The following MROH2B variants were observed in gnomAD, a reference collection of about 807,000 sequenced individuals.
The protein encoded by MROH2B is maestro heat-like repeat-containing protein family member 2B.
In MROH2B, 177 loss-of-function variants were observed where a neutral mutation model predicts 208.6. The observed-to-expected ratio is 0.85, with a 90% CI of 0.75 to 0.96. The LOEUF (loss-of-function observed/expected upper bound fraction) is 0.96. MROH2B is among the 40% of genes least tolerant of loss of function. The pLI is 0.00. For synonymous variants in MROH2B, 728 were observed against 659.0 expected, an observed-to-expected ratio of 1.10 and a Z score of -1.60; for missense variants, 2,002 against 1,878.7, an observed-to-expected ratio of 1.07 and a Z score of -1.21.
rs995672308 is a variant in MROH2B, at chr5:41,058,100, T to C, written c.719A>G (p.Gln240Arg). The change falls in exon 7 of 42, where the codon CAG (glutamine) becomes CGG (arginine). Residue 240 changes from glutamine (Q) to arginine (R), a missense_variant. By Grantham distance (43) the Gln-to-Arg change is conservative. Transcript: ENST00000399564. ...GAAATCAATCTCTTTGTCTTTATACTGGTTCAGGAGCCAGGGCACCTGGCC... is the reference window on the plus strand; with the variant it reads ...GAAATCAATCTCTTTGTCTTTATACCGGTTCAGGAGCCAGGGCACCTGGCC... ...ALGQVPWLLNQYKDKEIDFHV... is the reference protein window; with the variant it reads ...ALGQVPWLLNRYKDKEIDFHV... The C allele has an allele frequency of 6.2e-7, 1 of 1,604,510 alleles. No homozygotes were observed. The highest frequency in any genetic ancestry group is 1.3e-5 in the African/African-American group (1 of 74,698).
At chr5:41,027,519 C>T (rs1035085441) in intron 24 of MROH2B, among the ~76,000 whole-genome samples, 6 of 152,116 alleles carry the variant, frequency 3.9e-5, no homozygotes, top group Non-Finnish European at 8.8e-5. Flanking sequence ...GAATGGCAAT[C>T]ATTAAAAAGT....
At chr5:41,068,234 C>T (rs187625945) in intron 2 of MROH2B, among the ~76,000 whole-genome samples, 1 of 152,324 alleles carries the variant, frequency 6.6e-6, no homozygotes, top group East Asian at 1.9e-4. Flanking sequence ...CTTGGGAAGT[C>T]TGAGAATAAT....
intron 12 of MROH2B, 25 bp downstream of exon 12, chr5:41,052,440 A>G: frequency 6.3e-7 from 1 of 1,596,172 alleles, no homozygotes; most frequent in African/African-American, 1.3e-5. Flanking sequence ...ATAGTGCATC[A>G]CTCAAAACTG....
intron 19 of MROH2B, among the ~76,000 whole-genome samples, chr5:41,040,592 G>A (rs191740986): frequency 2.0e-5 from 3 of 152,202 alleles, no homozygotes; most frequent in Non-Finnish European, 2.9e-5. Context: ...AGCGACTTGA[G>A]TATGTAAGAC....
intron 24 of MROH2B, among the ~76,000 whole-genome samples, chr5:41,030,517 GA>G (rs1303802393): frequency 6.6e-6 from 1 of 151,914 alleles, no homozygotes; most frequent in African/African-American, 2.4e-5. Context: ...AGGAAGGGAA[GA>G]ATCAATGTTG....
chr5:41,071,027 G>A lies in MROH2B; in HGVS notation c.-175C>T. ...AATGGTCTGGGAGCTTCCAGAGATG[G>A]GCTTGCTGTTGAAGTTGATACTGTA... On this transcript the variant is annotated 5_prime_UTR_variant, in exon 1 of 42. Transcript: ENST00000399564. 3.3e-6 allele frequency: 2 copies of A among 611,260 alleles called. No individual in the cohort carries two copies. The highest frequency in any genetic ancestry group is 4.3e-5 in the South Asian group (2 of 46,532). 37.9% of individuals were successfully genotyped at this position (611,260 alleles called of 1,614,324 possible). A position where few individuals can be genotyped will look rare whatever the true frequency, so the allele number is the denominator to read the frequency against.
At chr5:41,038,510 C>T (rs1742836195) in intron 21 of MROH2B, among the ~76,000 whole-genome samples, 1 of 152,152 alleles carries the variant, frequency 6.6e-6, no homozygotes, top group South Asian at 2.1e-4. Flanking sequence ...GGCCTGTGTC[C>T]TTTGAGCCTG....
chr5:41,023,830 A>T (rs1431094872), intron 24 of MROH2B, among the ~76,000 whole-genome samples: 1 of 152,214 alleles, frequency 6.6e-6, no homozygotes, highest in African/African-American at 2.4e-5. Flanking sequence ...CTAACAGCGG[A>T]TCTCTCCACA....
At chr5:41,022,127 G>A (rs950918127) in intron 24 of MROH2B, among the ~76,000 whole-genome samples, 3 of 152,146 alleles carry the variant, frequency 2.0e-5, no homozygotes, top group African/African-American at 4.8e-5. Context: ...CATGAGTGAC[G>A]CAGAAGACAG....
At chr5:41,011,213 C>A (rs1741763494) in intron 30 of MROH2B, among the ~76,000 whole-genome samples, 1 of 152,114 alleles carries the variant, frequency 6.6e-6, no homozygotes, top group African/African-American at 2.4e-5. Flanking sequence ...GTAGACATTT[C>A]TATTATTTTG....
At chr5:41,042,057 C>T (rs1742970392) in intron 19 of MROH2B, 35 bp downstream of exon 19, 1 of 1,224,164 alleles carries the variant, frequency 8.2e-7, no homozygotes, top group African/African-American at 1.5e-5. Flanking sequence ...GTGTTGTTAT[C>T]ATCATAAGAG....
At chr5:41,044,536 T>C (rs182475653) in intron 18 of MROH2B, among the ~76,000 whole-genome samples, 2 of 152,250 alleles carry the variant, frequency 1.3e-5, no homozygotes, top group Non-Finnish European at 2.9e-5. Context: ...TATTCTAGAG[T>C]AATCTTGTGG....
At chr5:41,035,241 A>G (rs940754222) in intron 21 of MROH2B, among the ~76,000 whole-genome samples, 11 of 152,160 alleles carry the variant, frequency 7.2e-5, no homozygotes, top group African/African-American at 2.7e-4. Flanking sequence ...AAACAGACAC[A>G]TAAACCAATA....
intron 6 of MROH2B, among the ~76,000 whole-genome samples, chr5:41,058,900 T>C (rs1190999869): frequency 1.3e-5 from 2 of 151,288 alleles, no homozygotes; most frequent in Middle Eastern, 3.2e-3. Context: ...ATACAAAAAT[T>C]AGCTGGGCAT....
intron 5 of MROH2B, 60 bp downstream of exon 5, chr5:41,064,412 A>T: frequency 7.1e-7 from 1 of 1,409,004 alleles, no homozygotes; most frequent in Non-Finnish European, 9.9e-7. Context: ...CTTTTGCTTA[A>T]TTTGTAAGAC....
In MROH2B at chr5:41,052,592, G is replaced by C; in HGVS notation, c.1108-5C>G. Reference sequence around the variant, plus strand: ...GAGAAGAACAGAATTTCTTACCTAGGGTAAGAACAATGCAATAGCAACATT... The same window carrying C: ...GAGAAGAACAGAATTTCTTACCTAGCGTAAGAACAATGCAATAGCAACATT... On this transcript the variant is annotated splice_polypyrimidine_tract_variant and splice_region_variant and intron_variant, in intron 11 of 41. Coordinates refer to ENST00000399564, the MANE Select transcript of MROH2B (RefSeq NM_173489.5). 1 of 1,604,452 alleles carries C rather than the reference G, an allele frequency of 6.2e-7. No individual in the cohort carries two copies. The highest frequency in any genetic ancestry group is 8.5e-7 in the Non-Finnish European group (1 of 1,174,852).
chr5:41,016,498 GTTT>G (rs10689623), intron 28 of MROH2B, among the ~76,000 whole-genome samples: 46 of 80,790 alleles, frequency 5.7e-4, no homozygotes, highest in African/African-American at 1.9e-3. Flanking sequence ...CTACTGTAAT[GTTT>G]TTTTTTTTTT....
rs995650594 is a variant in MROH2B, at chr5:41,000,064, A to G, written c.4482+156T>C. 1.6e-4 allele frequency: 156 copies of G among 970,282 alleles called. No individual in the cohort carries two copies. The Middle Eastern group carries it at 1.7e-3, about 11-fold the overall frequency. The allele number at this position is 970,282 out of a possible 1,614,324, so 60.1% of individuals were successfully genotyped here. On this transcript the variant is annotated intron_variant, in intron 39 of 41. Coordinates refer to ENST00000399564, the MANE Select transcript of MROH2B (RefSeq NM_173489.5). ...GAGGGTCCTGTGGCAGGATACCTCT[A>G]TGTCACTATATCCTGTGAAATCAGG...
In MROH2B at chr5:41,048,329, A is replaced by T. The variant is rs776517055; in HGVS notation, c.1679T>A (p.Leu560Gln). 3.7e-6 allele frequency: 6 copies of T among 1,612,542 alleles called. No individual in the cohort carries two copies. Among genetic ancestry groups the T allele is most frequent in the Non-Finnish European group, 5.1e-6 (6 of 1,179,290 alleles). The change falls in exon 16 of 42, where the codon CTG becomes CAG. Residue 560 changes from leucine to glutamine, a missense_variant. By Grantham distance (113) the Leu-to-Gln change is moderately radical. Coordinates refer to ENST00000399564, the MANE Select transcript of MROH2B (RefSeq NM_173489.5). ...CTGGCCCCAATCCCTTGTACCTTCC[A>T]GAGGCTGCAGAAGCTCAGGTAAACG... ...KTRLPELLQP[L>Q]EGKNISTVLW...
Sources: gnomAD v4.1 joint callset for allele counts (sites outside exome capture counted in the v4.1 genomes callset) on GRCh38, gnomAD v4.1.1 for gene constraint, MANE v1.5 for transcripts, NCBI Gene and HGNC (gene_info 2026-07-23, HGNC 2026-07-21) for gene names.